CRYL1: variants seen among roughly 807,000 people sequenced by gnomAD.
CRYL1 encodes lambda-crystallin homolog.
Under a neutral mutation model 36.6 loss-of-function variants are expected in CRYL1, and 29 were observed. The observed-to-expected ratio is 0.79, with a 90% CI of 0.59 to 1.08. The LOEUF (loss-of-function observed/expected upper bound fraction) is 1.08. Among genes scored for constraint, CRYL1 ranks in the 50% least tolerant of loss-of-function variants. CRYL1 has a pLI of 0.00. For synonymous variants in CRYL1, 152 were observed against 151.5 expected, an observed-to-expected ratio of 1.00 and a Z score of -0.02; for missense variants, 411 against 407.9, an observed-to-expected ratio of 1.01 and a Z score of -0.06.
chr13:20,506,598 A>G (rs2033799477), intron 2 of CRYL1, among the ~76,000 whole-genome samples: 1 of 152,004 alleles, frequency 6.6e-6, no homozygotes, highest in Non-Finnish European at 1.5e-5. Context: ...TGATGCCTGA[A>G]AGGACTTTAA....
chr13:20,518,746 G>A (rs1055057266), intron 1 of CRYL1, among the ~76,000 whole-genome samples: 1 of 152,186 alleles, frequency 6.6e-6, no homozygotes, highest in African/African-American at 2.4e-5. Flanking sequence ...TGGGAGGCGG[G>A]ACCAGGACGG....
At chr13:20,442,896 TA>T (rs1389402783) in intron 3 of CRYL1, among the ~76,000 whole-genome samples, 1 of 151,984 alleles carries the variant, frequency 6.6e-6, no homozygotes, top group East Asian at 1.9e-4. Flanking sequence ...TGGGGAGAGG[TA>T]AAGCACAATA....
chr13:20,434,062 GT>G (rs1044787324), intron 4 of CRYL1, among the ~76,000 whole-genome samples: 1 of 152,192 alleles, frequency 6.6e-6, no homozygotes, highest in African/African-American at 2.4e-5. Context: ...GCACAGACTT[GT>G]CTCATGTGGG....
intron 2 of CRYL1, among the ~76,000 whole-genome samples, chr13:20,510,519 GA>G (rs2137507123): frequency 6.6e-6 from 1 of 152,248 alleles, no homozygotes; most frequent in Non-Finnish European, 1.5e-5. Flanking sequence ...AAGAATTTGA[GA>G]GCAGTGGGAT....
chr13:20,472,476 T>C (rs2033081211), intron 3 of CRYL1, among the ~76,000 whole-genome samples: 1 of 152,182 alleles, frequency 6.6e-6, no homozygotes, highest in Non-Finnish European at 1.5e-5. Flanking sequence ...ATCGTAGCCA[T>C]TTCCTCCTCA....
At chr13:20,462,754 C>T (rs975162051) in intron 3 of CRYL1, among the ~76,000 whole-genome samples, 6 of 151,658 alleles carry the variant, frequency 4.0e-5, no homozygotes, top group African/African-American at 9.7e-5. Flanking sequence ...AGCAGGCATA[C>T]GATGCAGGTT....
rs2032047244 is a variant in CRYL1 at position 20,431,059 on chromosome 13, T to A, written c.633+1043A>T. ...ACCGCGTGGCAAATGCACCCGGCAG[T>A]CCAGTCAGACAATGTACCTAACGGG... On this transcript the variant is annotated intron_variant, in intron 5 of 7. Coordinates refer to ENST00000298248, the MANE Select transcript of CRYL1 (RefSeq NM_015974.3). 4.1e-6 allele frequency: 4 copies of A among 985,418 alleles called. No homozygotes were observed. In the African/African-American group the frequency reaches 5.2e-5, roughly 13 times the overall value. 61.0% of individuals were successfully genotyped at this position (985,418 alleles called of 1,614,324 possible). A position where few individuals can be genotyped will look rare whatever the true frequency, so the allele number is the denominator to read the frequency against.
chr13:20,413,120 A>G (rs528554967), intron 6 of CRYL1, among the ~76,000 whole-genome samples, 162 bp downstream of exon 6: 3 of 152,168 alleles, frequency 2.0e-5, no homozygotes, highest in Admixed American at 6.5e-5. Flanking sequence ...CTCAGTACAC[A>G]GCGTTTCGAA....
At position 20,525,736 on chromosome 13, in the gene CRYL1, C is replaced by T; in HGVS notation, c.41+18G>A. 1 of 1,345,000 alleles carries T rather than the reference C, an allele frequency of 7.4e-7. No individual in the cohort carries two copies. The allele number at this position is 1,345,000 out of a possible 1,614,324, so 83.3% of individuals were successfully genotyped here. ...TCCCCGGGCTCCAGGGGCAGCAGCG[C>T]GGCTCGGAGCCCTTTACCTGCCAAC... On this transcript the variant is annotated intron_variant, in intron 1 of 7. Transcript: ENST00000298248. The surrounding 1 kb of genome is among the most constrained non-coding windows in gnomAD (Gnocchi z 4.3).
chr13:20,440,076 G>T (rs1285560085), intron 3 of CRYL1, among the ~76,000 whole-genome samples: 1 of 152,188 alleles, frequency 6.6e-6, no homozygotes, highest in Non-Finnish European at 1.5e-5. Context: ...TGAAGACACA[G>T]GGAAGAATCT....
chr13:20,452,287 G>GA (rs201321122), intron 3 of CRYL1, among the ~76,000 whole-genome samples: 12 of 138,990 alleles, frequency 8.6e-5, no homozygotes, highest in South Asian at 4.7e-4. Flanking sequence ...AAACTATCTA[G>GA]AAAAAAAAAT....
At chr13:20,459,088 T>G (rs191670558) in intron 3 of CRYL1, among the ~76,000 whole-genome samples, 2,612 of 151,814 alleles carry the variant, frequency 0.017, 82 homozygotes, top group African/African-American at 0.06. Context: ...TACAAAAAAT[T>G]AGCTGGGCGT....
At chr13:20,408,503 C>T (rs1469934069) in intron 6 of CRYL1, among the ~76,000 whole-genome samples, 2 of 152,228 alleles carry the variant, frequency 1.3e-5, no homozygotes, top group Admixed American at 6.5e-5. Context: ...CGGTTTCTCT[C>T]TCTACTGACC....
At chr13:20,497,971 T>C (rs1449511038) in intron 2 of CRYL1, among the ~76,000 whole-genome samples, 1 of 152,038 alleles carries the variant, frequency 6.6e-6, no homozygotes, top group African/African-American at 2.4e-5. Flanking sequence ...TGTCTTACTT[T>C]GATAACTTTG....
chr13:20,404,299 T>G (rs2137357065), intron 7 of CRYL1, 57 bp from the exon 8 acceptor site: 1 of 1,164,444 alleles, frequency 8.6e-7, no homozygotes, highest in East Asian at 2.4e-5. Flanking sequence ...TTATCAAGAG[T>G]GTAATTATTG....
intron 3 of CRYL1, among the ~76,000 whole-genome samples, chr13:20,456,712 C>T (rs1020705551): frequency 6.6e-6 from 1 of 151,618 alleles, no homozygotes; most frequent in African/African-American, 2.4e-5. Context: ...CCCAGCTCTT[C>T]CTTCTCTTCC....
At chr13:20,489,258 G>A in intron 3 of CRYL1, 112 bp downstream of exon 3, 2 of 1,316,946 alleles carry the variant, frequency 1.5e-6, no homozygotes, top group Non-Finnish European at 2.1e-6. Context: ...TGCCCTTGAA[G>A]ATGCAAAATG....
At chr13:20,472,048 A>G (rs537581155) in intron 3 of CRYL1, among the ~76,000 whole-genome samples, 1 of 152,076 alleles carries the variant, frequency 6.6e-6, no homozygotes, top group African/African-American at 2.4e-5. Context: ...TTTAGTAGAG[A>G]CCGGGTTTCG....
At chr13:20,439,503 C>T in intron 4 of CRYL1, 90 bp downstream of exon 4, 1 of 992,742 alleles carries the variant, frequency 1.0e-6, no homozygotes, top group Non-Finnish European at 1.4e-6. Context: ...GTTATTGACC[C>T]CCCTCCCCCG....
Sources: gnomAD v4.1 joint callset for allele counts (sites outside exome capture counted in the v4.1 genomes callset) on GRCh38, gnomAD v4.1.1 for gene constraint, Gnocchi (gnomAD v3.1) non-coding constraint, MANE v1.5 for transcripts, NCBI Gene and HGNC (gene_info 2026-07-23, HGNC 2026-07-21) for gene names.